The following RBFOX1 variants were observed in gnomAD, a reference collection of about 807,000 sequenced individuals.
The protein encoded by RBFOX1 is RNA binding fox-1 homolog 1, also known as RNA binding protein fox-1 homolog 1.
Under a neutral mutation model 57.7 loss-of-function variants are expected in RBFOX1, and 8 were observed. That is an observed-to-expected ratio of 0.14 (90% confidence interval 0.08 to 0.25). The LOEUF (loss-of-function observed/expected upper bound fraction) is 0.25, where lower values mean the gene tolerates loss of function less well. Ranked by LOEUF, RBFOX1 falls within the 10% of genes least tolerant of loss-of-function variation. The probability of loss-of-function intolerance (pLI) is 1.00; values close to 1 mark genes in which losing one functional copy is unlikely to be tolerated. For missense variants in RBFOX1, 611 were observed against 548.5 expected (o/e 1.11, Z -1.14); for synonymous variants, 326 against 222.4 (o/e 1.47, Z -4.15).
intron 4 of RBFOX1, among the ~76,000 whole-genome samples, chr16:7,372,953 A>G (rs1161370536): frequency 2.0e-5 from 3 of 148,350 alleles, no homozygotes; most frequent in Non-Finnish European, 4.5e-5. Flanking sequence ...TTTTTTTGAG[A>G]TGGAGTCTTG....
chr16:6,886,135 C>G (rs896013568), intron 3 of RBFOX1, among the ~76,000 whole-genome samples: 2 of 150,386 alleles, frequency 1.3e-5, no homozygotes, highest in Non-Finnish European at 2.9e-5. Flanking sequence ...GATCTCGGCT[C>G]ACTGCATCCT....
At chr16:6,778,124 G>A (rs1269302975) in intron 3 of RBFOX1, among the ~76,000 whole-genome samples, 2 of 151,538 alleles carry the variant, frequency 1.3e-5, no homozygotes, top group East Asian at 1.9e-4. Context: ...ATCTGGATGC[G>A]CAGTGCGATT....
At chr16:5,963,957 G>A (rs2059798658) in intron 4 of RBFOX1, among the ~76,000 whole-genome samples, 1 of 152,104 alleles carries the variant, frequency 6.6e-6, no homozygotes, top group Non-Finnish European at 1.5e-5. Flanking sequence ...CAACAAAATG[G>A]AAAGGCAGCC....
At chr16:6,772,467 A>G (rs1224118975) in intron 3 of RBFOX1, among the ~76,000 whole-genome samples, 1 of 150,424 alleles carries the variant, frequency 6.6e-6, no homozygotes, top group East Asian at 2.0e-4. Context: ...CATGGGGTGC[A>G]TTTGTATGTG....
At chr16:5,975,525 C>T (rs2060044779) in intron 4 of RBFOX1, among the ~76,000 whole-genome samples, 1 of 152,128 alleles carries the variant, frequency 6.6e-6, no homozygotes, top group African/African-American at 2.4e-5. Flanking sequence ...CTTTAGGGTC[C>T]AGATTTTTCC....
intron 4 of RBFOX1, among the ~76,000 whole-genome samples, chr16:5,906,727 C>CTGTTTTTTT: frequency 1.4e-5 from 1 of 71,490 alleles, no homozygotes; most frequent in Non-Finnish European, 2.5e-5. Flanking sequence ...ATCCTAGATT[C>CTGTTTTTTT]TTTTTTTTTT....
chr16:6,893,666 C>T (rs1411274667), intron 3 of RBFOX1, among the ~76,000 whole-genome samples: 10 of 152,094 alleles, frequency 6.6e-5, no homozygotes, highest in Non-Finnish European at 1.0e-4. Context: ...GCCAGAGAAG[C>T]CCAGAACTGT....
intron 10 of RBFOX1, among the ~76,000 whole-genome samples, 168 bp from the exon 11 acceptor site, chr16:7,630,435 T>C (rs971531281): frequency 4.6e-5 from 7 of 151,972 alleles, no homozygotes; most frequent in Admixed American, 6.6e-5. Flanking sequence ...GGGGCTTCCA[T>C]TGATTCCCTT....
intron 3 of RBFOX1, chr16:5,838,620 C>G (rs2056534904): frequency 6.3e-6 from 1 of 157,678 alleles, no homozygotes; most frequent in Non-Finnish European, 1.4e-5. Flanking sequence ...TTTGGGACAT[C>G]CATGTTAGCC....
chr16:6,970,346 T>G (rs1383988179), intron 3 of RBFOX1, among the ~76,000 whole-genome samples: 5 of 152,168 alleles, frequency 3.3e-5, no homozygotes, highest in Admixed American at 1.3e-4. Flanking sequence ...GGTTTGACAC[T>G]TAGGTTTGTC....
At chr16:7,063,648 A>T (rs1283885769) in intron 4 of RBFOX1, among the ~76,000 whole-genome samples, 1 of 152,194 alleles carries the variant, frequency 6.6e-6, no homozygotes, top group South Asian at 2.1e-4. Context: ...GGCCCTTCAT[A>T]TCTGTAGGTT....
chr16:7,491,527 C>T (rs899540888), intron 4 of RBFOX1, among the ~76,000 whole-genome samples: 3 of 151,710 alleles, frequency 2.0e-5, no homozygotes, highest in Admixed American at 1.3e-4. Flanking sequence ...TGGCCCTTCC[C>T]TGCTGATCTT....
intron 3 of RBFOX1, among the ~76,000 whole-genome samples, chr16:5,786,933 C>G (rs1158881386): frequency 6.6e-6 from 1 of 152,068 alleles, no homozygotes; most frequent in African/African-American, 2.4e-5. Flanking sequence ...GTCAGGAGAT[C>G]GAGACCAGCC....
intron 1 of RBFOX1, among the ~76,000 whole-genome samples, chr16:6,103,041 A>G (rs1355722433): frequency 6.6e-6 from 1 of 152,176 alleles, no homozygotes. Context: ...TCTTTTGGAC[A>G]ATTAAGGGAT....
intron 4 of RBFOX1, among the ~76,000 whole-genome samples, chr16:7,167,321 A>C (rs1377754486): frequency 6.6e-6 from 1 of 151,864 alleles, no homozygotes; most frequent in Non-Finnish European, 1.5e-5. Flanking sequence ...CTCATTAAGG[A>C]TCTCTAGGTG....
At chr16:6,891,006 A>T (rs926518109) in intron 3 of RBFOX1, among the ~76,000 whole-genome samples, 1 of 152,136 alleles carries the variant, frequency 6.6e-6, no homozygotes, top group Non-Finnish European at 1.5e-5. Context: ...ACCCTTCAAC[A>T]CTGTGAACGT....
intron 1 of RBFOX1, among the ~76,000 whole-genome samples, chr16:6,169,739 T>C (rs2096944307): frequency 6.6e-6 from 1 of 152,180 alleles, no homozygotes; most frequent in Non-Finnish European, 1.5e-5. Context: ...TCAGTTGTTG[T>C]TACAGGCACA....
chr16:6,309,303 G>A (rs80346971), intron 1 of RBFOX1, among the ~76,000 whole-genome samples: 2,949 of 152,156 alleles, frequency 0.019, 107 homozygotes, highest in African/African-American at 0.068. Flanking sequence ...CTCTGAGAAG[G>A]CTGTGGTACC....
Position 7,579,830 on chromosome 16 carries a change from A to T in RBFOX1, c.324A>T (p.Glu108Asp). The T allele has an allele frequency of 6.2e-7, 1 of 1,614,068 alleles. No individual in the cohort carries two copies. Among genetic ancestry groups the T allele is most frequent in the Non-Finnish European group, 8.5e-7 (1 of 1,179,990 alleles). The change falls in exon 6 of 16, where the codon GAA becomes GAT. Residue 108 changes from glutamate to aspartate, a missense_variant. Glu to Asp is a conservative substitution (Grantham distance 45). Around this residue, in one of 3 missense-constraint regions of RBFOX1, gnomAD observed 245 missense variants for 159.1 expected, o/e 1.54. Coordinates refer to ENST00000550418, the MANE Select transcript of RBFOX1 (RefSeq NM_018723.4). Reference protein sequence around the residue: ...TDGQPQTQPSENTENKSQPKR... With the variant: ...TDGQPQTQPSDNTENKSQPKR... ...GCCAGCCCCAGACACAACCTTCTGA[A>T]AACACGGAAAACAAGTCTCAGCCCA...
Sources: gnomAD v4.1 joint callset for allele counts (sites outside exome capture counted in the v4.1 genomes callset) on GRCh38, gnomAD v4.1.1 for gene constraint, gnomAD v4.1.1 regional missense constraint, MANE v1.5 for transcripts, NCBI Gene and HGNC (gene_info 2026-07-23, HGNC 2026-07-21) for gene names.